ABI1: variants seen among roughly 807,000 people sequenced by gnomAD.
ABI1 encodes Abelson interactor 1.
A neutral mutation model predicts 54.6 loss-of-function variants in ABI1; 14 were observed. The ratio of observed to expected loss-of-function variants is 0.26; its 90% CI spans 0.17 to 0.40. The LOEUF (loss-of-function observed/expected upper bound fraction) is 0.40. ABI1 is among the 10% of genes least tolerant of loss of function. The pLI is 1.00. For missense variants in ABI1, 443 were observed against 598.3 expected (o/e 0.74, Z 2.71); for synonymous variants, 194 against 209.3 (o/e 0.93, Z 0.63).
Position 26,761,663 on chromosome 10 carries a change from C to T in ABI1, c.821-2425G>A, listed in dbSNP as rs538355102. Among the ~76,000 whole-genome samples the T allele has an allele frequency of 2.5e-3, 176 of 70,408 alleles. 3 individuals are homozygous for T. The East Asian group carries it at 0.026, about 10-fold the overall frequency. The allele number at this position is 70,408 out of a possible 152,430, so 46.2% of individuals were successfully genotyped here. ...ATATATATATATATATATATATATACACACACACATACACATATATAACCT... is the reference window on the plus strand; with the variant it reads ...ATATATATATATATATATATATATATACACACACATACACATATATAACCT... On this transcript the variant is annotated intron_variant, in intron 7 of 10. Coordinates refer to ENST00000376140, the MANE Select transcript of ABI1 (RefSeq NM_001012750.3).
chr10:26,785,579 G>A (rs866730359), intron 2 of ABI1, among the ~76,000 whole-genome samples: 2 of 152,060 alleles, frequency 1.3e-5, no homozygotes, highest in South Asian at 2.1e-4. Context: ...AAAATTAGCC[G>A]GGCACGGTGG....
At chr10:26,759,269 A>T in intron 7 of ABI1, 31 bp from the exon 8 acceptor site, 1 of 1,605,894 alleles carries the variant, frequency 6.2e-7, no homozygotes, top group Non-Finnish European at 8.5e-7. Context: ...GCAACCAACA[A>T]AGAGACTTGA....
intron 7 of ABI1, among the ~76,000 whole-genome samples, 170 bp downstream of exon 7, chr10:26,765,046 CTT>C (rs35221260): frequency 0.29 from 44,388 of 151,902 alleles, 6,792 homozygotes; most frequent in African/African-American, 0.36. Context: ...ATCCTAAAGA[CTT>C]TGTGAAAAGC....
chr10:26,770,536 C>T (rs763447752), intron 4 of ABI1, 191 bp from the exon 5 acceptor site: 3 of 736,506 alleles, frequency 4.1e-6, no homozygotes, highest in Admixed American at 1.7e-5. Flanking sequence ...TATTTTATGC[C>T]ATTTATATCA....
At chr10:26,795,290 T>A (rs114031565) in intron 2 of ABI1, among the ~76,000 whole-genome samples, 168 of 152,072 alleles carry the variant, frequency 1.1e-3, no homozygotes, top group African/African-American at 3.9e-3. Flanking sequence ...ACATAAGACA[T>A]CTCAATGACA....
At chr10:26,850,145 T>C (rs1225176127) in intron 1 of ABI1, among the ~76,000 whole-genome samples, 1 of 152,190 alleles carries the variant, frequency 6.6e-6, no homozygotes, top group African/African-American at 2.4e-5. Flanking sequence ...CAGAAGCAGA[T>C]ATAAGAATTT....
chr10:26,820,962 G>A (rs1320161171), intron 2 of ABI1, among the ~76,000 whole-genome samples: 2 of 151,040 alleles, frequency 1.3e-5, no homozygotes, highest in Non-Finnish European at 2.9e-5. Flanking sequence ...ATAAAATAAG[G>A]CTGGGTGTGG....
intron 2 of ABI1, among the ~76,000 whole-genome samples, chr10:26,807,998 A>G (rs2046982957): frequency 6.6e-6 from 1 of 152,156 alleles, no homozygotes; most frequent in African/African-American, 2.4e-5. Flanking sequence ...AGGCTGGGGC[A>G]GAAGAATTGC....
At chr10:26,806,531 C>A (rs1407672437) in intron 2 of ABI1, among the ~76,000 whole-genome samples, 1 of 152,190 alleles carries the variant, frequency 6.6e-6, no homozygotes, top group Non-Finnish European at 1.5e-5. Context: ...ACAATGGCAG[C>A]AGCTTTCTAA....
chr10:26,853,160 G>A (rs937720912), intron 1 of ABI1, among the ~76,000 whole-genome samples: 3 of 148,954 alleles, frequency 2.0e-5, no homozygotes, highest in Non-Finnish European at 4.5e-5. Context: ...GCGTGAACCC[G>A]GGAGGCGGAG....
intron 7 of ABI1, among the ~76,000 whole-genome samples, chr10:26,764,934 A>T (rs556212448): frequency 6.6e-6 from 1 of 152,316 alleles, no homozygotes; most frequent in African/African-American, 2.4e-5. Flanking sequence ...TCCCCCATGG[A>T]CACTGAGGAA....
At chr10:26,835,962 AG>A (rs896494131) in intron 1 of ABI1, among the ~76,000 whole-genome samples, 10 of 151,920 alleles carry the variant, frequency 6.6e-5, no homozygotes, top group African/African-American at 2.4e-4. Context: ...CATGTTGCCC[AG>A]GCTGGTCTCG....
chr10:26,859,398 T>C (rs1239932259), intron 1 of ABI1, among the ~76,000 whole-genome samples: 1 of 152,256 alleles, frequency 6.6e-6, no homozygotes, highest in Non-Finnish European at 1.5e-5. Flanking sequence ...ACATCGGTTC[T>C]TAAAAATTAT....
chr10:26,808,169 T>G (rs1051279397), intron 2 of ABI1, among the ~76,000 whole-genome samples: 1 of 152,260 alleles, frequency 6.6e-6, no homozygotes, highest in African/African-American at 2.4e-5. Context: ...ATCTGTAGTT[T>G]CGGTCTGCTA....
intron 8 of ABI1, 67 bp downstream of exon 8, chr10:26,758,995 C>A: frequency 7.0e-7 from 1 of 1,430,102 alleles, no homozygotes. Context: ...GCAAGAATAA[C>A]AGTTTCAAAT....
chr10:26,853,633 G>A (rs2050589838), intron 1 of ABI1, among the ~76,000 whole-genome samples: 1 of 151,390 alleles, frequency 6.6e-6, no homozygotes, highest in Non-Finnish European at 1.5e-5. Flanking sequence ...TCCGCCTCCG[G>A]GTTCACGCCA....
At chr10:26,842,374 GGTT>G (rs2049585034) in intron 1 of ABI1, among the ~76,000 whole-genome samples, 1 of 152,274 alleles carries the variant, frequency 6.6e-6, no homozygotes, top group Non-Finnish European at 1.5e-5. Flanking sequence ...CCAGACCATA[GGTT>G]GTTACATTTT....
chr10:26,825,326 G>A (rs1340413390), intron 1 of ABI1, among the ~76,000 whole-genome samples: 1 of 152,078 alleles, frequency 6.6e-6, no homozygotes, highest in Non-Finnish European at 1.5e-5. Context: ...AAGAGTTTGA[G>A]GACAGCCTGG....
At chr10:26,845,358 C>G (rs535029825) in intron 1 of ABI1, among the ~76,000 whole-genome samples, 128 of 152,234 alleles carry the variant, frequency 8.4e-4, no homozygotes, top group African/African-American at 3.1e-3. Context: ...AATATAGACA[C>G]AAAGCAGGGC....
Sources: allele counts gnomAD v4.1 joint callset (sites outside exome capture counted in the v4.1 genomes callset), GRCh38; gene constraint gnomAD v4.1.1; transcripts MANE v1.5; gene names NCBI Gene and HGNC (gene_info 2026-07-23, HGNC 2026-07-21).